Variants in CSK observed in about 807,000 individuals in gnomAD.
CSK encodes C-terminal Src kinase.
In CSK, 7 loss-of-function variants were observed where a neutral mutation model predicts 62.3. The ratio of observed to expected loss-of-function variants is 0.11; its 90% CI spans 0.06 to 0.21. The LOEUF (loss-of-function observed/expected upper bound fraction) is 0.21. CSK is among the 10% of genes least tolerant of loss of function. CSK has a pLI of 1.00. For missense variants in CSK, 294 were observed against 613.5 expected (o/e 0.48, Z 5.50); for synonymous variants, 237 against 246.0 (o/e 0.96, Z 0.34).
At chr15:74,790,487 C>T (rs1409927866) in intron 1 of CSK, among the ~76,000 whole-genome samples, 1 of 152,220 alleles carries the variant, frequency 6.6e-6, no homozygotes, top group African/African-American at 2.4e-5. Context: ...CTGACCTCAG[C>T]GCTTGGGCAC....
Position 74,798,460 on chromosome 15 carries a change from G to A in CSK, c.15+148G>A. On this transcript the variant is annotated intron_variant, in intron 2 of 12. Transcript: ENST00000220003. This position sits in a 1 kb window ranked among gnomAD's most constrained non-coding sequence, Gnocchi z 6.6. ...GGTACAGGCCTGGGGAAGTGGGGGA[G>A]TCTCAACAGGAAGGGACCCAGGGCT... The A allele has an allele frequency of 7.9e-7, 1 of 1,259,714 alleles. No individual in the cohort carries two copies. Among genetic ancestry groups the A allele is most frequent in the Non-Finnish European group, 1.1e-6 (1 of 882,434 alleles). The allele number at this position is 1,259,714 out of a possible 1,614,324, so 78.0% of individuals were successfully genotyped here.
rs1297389439 is a variant in CSK at position 74,799,584 on chromosome 15, C to T, written c.462+93C>T. 4.6e-6 allele frequency: 6 copies of T among 1,315,386 alleles called. No individual in the cohort carries two copies. In the Admixed American group the frequency reaches 8.6e-5, roughly 19 times the overall value. 81.5% of individuals were successfully genotyped at this position (1,315,386 alleles called of 1,614,324 possible). On this transcript the variant is annotated intron_variant, in intron 5 of 12. Transcript: ENST00000220003. Reference sequence around the variant, plus strand: ...TCTAGCTCCAGCCCCACTGCTTCTGCGTGGTGACCAGCCATGTGGGGCAAC... The same window carrying T: ...TCTAGCTCCAGCCCCACTGCTTCTGTGTGGTGACCAGCCATGTGGGGCAAC...
chr15:74,787,354 G>T lies in CSK; in HGVS notation c.-66+4634G>T, dbSNP rs1596367253. 3.3e-5 allele frequency among the ~76,000 whole-genome samples: 5 copies of T among 152,216 alleles called. No homozygotes were observed. The South Asian group carries it at 8.3e-4, about 25-fold the overall frequency. ...GGGATCAGAAGTACTCCACCAGTTG[G>T]GGGGGTGCTCTTTTATCTGCCATGA... On this transcript the variant is annotated intron_variant, in intron 1 of 12. Coordinates refer to ENST00000220003, the MANE Select transcript of CSK (RefSeq NM_004383.3).
In CSK at chr15:74,798,861, C is replaced by T; in HGVS notation, c.165C>T (p.Gly55=). 4 of 1,575,542 alleles carry T rather than the reference C, an allele frequency of 2.5e-6. No individual in the cohort carries two copies. The South Asian group carries it at 3.5e-5, about 14-fold the overall frequency. Reference sequence around the variant, plus strand: ...GGTACAAAGCCAAAAACAAGGTGGGCCGTGAGGGCATCATCCCAGCCAACT... The same window carrying T: ...GGTACAAAGCCAAAAACAAGGTGGGTCGTGAGGGCATCATCCCAGCCAACT... ...PNWYKAKNKV[G]REGIIPANYV... is the part of the protein sequence containing the mutation. Residue 55 remains glycine, a synonymous_variant, in exon 4 of 13, where the codon GGC becomes GGT. Coordinates refer to ENST00000220003, the MANE Select transcript of CSK (RefSeq NM_004383.3). The surrounding 1 kb of genome is among the most constrained non-coding windows in gnomAD (Gnocchi z 6.6).
chr15:74,787,813 G>C lies in CSK; in HGVS notation c.-66+5093G>C, dbSNP rs575056989. Among the ~76,000 whole-genome samples, 3 of 152,268 alleles carry C rather than the reference G, an allele frequency of 2.0e-5. No homozygotes were observed. In the South Asian group the frequency reaches 6.2e-4, roughly 32 times the overall value. ...AACCTGGGCATCATCTGCCCCCCTT[G>C]GACCCTGGCTGCTGCTTCTCAGCCC... On this transcript the variant is annotated intron_variant, in intron 1 of 12. Coordinates refer to ENST00000220003, the MANE Select transcript of CSK (RefSeq NM_004383.3).
In CSK at chr15:74,798,355, C is replaced by T. The variant is rs920734793; in HGVS notation, c.15+43C>T. The T allele has an allele frequency of 3.1e-6, 5 of 1,591,988 alleles. No individual in the cohort carries two copies. In the African/African-American group the frequency reaches 6.7e-5, roughly 21 times the overall value. On this transcript the variant is annotated intron_variant, in intron 2 of 12. Transcript: ENST00000220003. The surrounding 1 kb of genome is among the most constrained non-coding windows in gnomAD (Gnocchi z 6.6). ...GTCTGGGACATGCAAGCATTCCCAC[C>T]AGCCCCAGCGGGGTGCTTAGCAGAG...
intron 4 of CSK, 121 bp downstream of exon 4, chr15:74,799,059 G>C (rs549022593): frequency 1.0e-4 from 111 of 1,058,728 alleles, no homozygotes; most frequent in Non-Finnish European, 1.4e-4. Flanking sequence ...TCAGGAGGAG[G>C]TGCAGGGTGC....
At position 74,797,223 on chromosome 15, in the gene CSK, G is replaced by A. The variant is rs544463781; in HGVS notation, c.-65-1010G>A. 1.1e-3 allele frequency among the ~76,000 whole-genome samples: 168 copies of A among 152,318 alleles called. 1 individual carries two copies. Among genetic ancestry groups the A allele is most frequent in the Non-Finnish European group, 1.7e-3 (116 of 68,024 alleles). On this transcript the variant is annotated intron_variant, in intron 1 of 12. Transcript: ENST00000220003. Reference sequence around the variant, plus strand: ...GCTTCCCAAAGTGCTGAGATTACAGGTGTGAGCCACTGTGCCTAGCCATCA... The same window carrying A: ...GCTTCCCAAAGTGCTGAGATTACAGATGTGAGCCACTGTGCCTAGCCATCA...
chr15:74,785,722 G>A (rs1480997009), intron 1 of CSK, among the ~76,000 whole-genome samples: 1 of 152,138 alleles, frequency 6.6e-6, no homozygotes, highest in African/African-American at 2.4e-5. Context: ...CCTGAGCCAC[G>A]GGCCAATGTT....
intron 1 of CSK, among the ~76,000 whole-genome samples, chr15:74,783,286 GC>G (rs1326475999): frequency 6.6e-6 from 1 of 152,236 alleles, no homozygotes; most frequent in Admixed American, 6.5e-5. Context: ...GGGAAACTGG[GC>G]AGGCCTTCTG....
intron 1 of CSK, among the ~76,000 whole-genome samples, chr15:74,787,880 A>G (rs1024953173): frequency 3.3e-5 from 5 of 152,180 alleles, no homozygotes; most frequent in African/African-American, 9.7e-5. Flanking sequence ...GCATCTATCT[A>G]TCTGCAGCTT....
rs1186484144 is a variant in CSK at position 74,787,804 on chromosome 15, G to GC, written c.-66+5090dup. On this transcript the variant is annotated intron_variant, in intron 1 of 12. Transcript: ENST00000220003. ...GCAGGCGAAAACCTGGGCATCATCTGCCCCCCTTGGACCCTGGCTGCTGCT... is the reference window on the plus strand; with the variant it reads ...GCAGGCGAAAACCTGGGCATCATCTGCCCCCCCTTGGACCCTGGCTGCTGCT... Among the ~76,000 whole-genome samples the GC allele has an allele frequency of 2.0e-5, 3 of 152,266 alleles. No homozygotes were observed. In the East Asian group the frequency reaches 5.8e-4, roughly 30 times the overall value.
intron 1 of CSK, among the ~76,000 whole-genome samples, chr15:74,793,797 A>G (rs767218950): frequency 2.3e-4 from 35 of 152,182 alleles, no homozygotes; most frequent in Admixed American, 1.0e-3. Flanking sequence ...AGTGTTTGCA[A>G]ACTGACAGCT....
At chr15:74,783,956 T>TG (rs993205440) in intron 1 of CSK, among the ~76,000 whole-genome samples, 4 of 152,184 alleles carry the variant, frequency 2.6e-5, no homozygotes, top group African/African-American at 4.8e-5. Context: ...ACTGGGGACA[T>TG]GGGAGCATTG....
rs1443188273 is a variant in CSK, at chr15:74,801,094, A to T, written c.805A>T (p.Met269Leu). 6.2e-7 allele frequency: 1 copy of T among 1,613,092 alleles called. No homozygotes were observed. The change falls in exon 9 of 13, where the codon ATG becomes TTG. Residue 269 changes from methionine (M) to leucine (L), a missense_variant. Met to Leu is a conservative substitution (Grantham distance 15, BLOSUM62 2). Coordinates refer to ENST00000220003, the MANE Select transcript of CSK (RefSeq NM_004383.3). ...CGGGCTCTACATCGTCACTGAGTAC[A>T]TGGCCAAGGTGGGCACCTGCCGAGA... ...KGGLYIVTEYMAKGSLVDYLR... is the reference protein window; with the variant it reads ...KGGLYIVTEYLAKGSLVDYLR...
intron 1 of CSK, chr15:74,793,330 C>G (rs1399231678): frequency 1.3e-5 from 2 of 152,736 alleles, no homozygotes; most frequent in South Asian, 2.1e-4. Context: ...CCACCCCGAC[C>G]GCTCCTAGGC....
rs777343326 is a variant in CSK, at chr15:74,800,810, T to C, written c.623-13T>C. The C allele has an allele frequency of 8.1e-6, 13 of 1,608,082 alleles. No individual in the cohort carries two copies. The highest frequency in any genetic ancestry group is 1.1e-5 in the Non-Finnish European group (13 of 1,177,352). On this transcript the variant is annotated splice_polypyrimidine_tract_variant and intron_variant, in intron 7 of 12. Coordinates refer to ENST00000220003, the MANE Select transcript of CSK (RefSeq NM_004383.3). ...CTCCGAACTTGGGAACAAGACCACCTCTCTGCCCCCAGACGTGATGCTGGG... is the reference window on the plus strand; with the variant it reads ...CTCCGAACTTGGGAACAAGACCACCCCTCTGCCCCCAGACGTGATGCTGGG...
At position 74,802,544 on chromosome 15, in the gene CSK, TG is replaced by T. The variant is rs1426593983; in HGVS notation, c.*35del. The T allele has an allele frequency of 6.2e-7, 1 of 1,605,608 alleles. No homozygotes were observed. Among genetic ancestry groups the T allele is most frequent in the South Asian group, 1.1e-5 (1 of 90,272 alleles). On this transcript the variant is annotated 3_prime_UTR_variant, in exon 13 of 13. Coordinates refer to ENST00000220003, the MANE Select transcript of CSK (RefSeq NM_004383.3). ...GGCCTCCGCCTGGGTCATGGGCCTGTGGGGACTGAACCTGGAAGATCATGGA... is the reference window on the plus strand; with the variant it reads ...GGCCTCCGCCTGGGTCATGGGCCTGTGGGACTGAACCTGGAAGATCATGGA...
rs536939856 is a variant in CSK at position 74,786,002 on chromosome 15, C to CTTTTTT, written c.-66+3289_-66+3294dup. On this transcript the variant is annotated intron_variant, in intron 1 of 12. Coordinates refer to ENST00000220003, the MANE Select transcript of CSK (RefSeq NM_004383.3). ...AGGCCTCTTCTCTCTCTCTCTCTCTCTTTTTTTTTTTTGTGTGTGTGTGTG... is the reference window on the plus strand; with the variant it reads ...AGGCCTCTTCTCTCTCTCTCTCTCTCTTTTTTTTTTTTTTTTTTGTGTGTGTGTGTG... 4.3e-4 allele frequency among the ~76,000 whole-genome samples: 32 copies of CTTTTTT among 73,624 alleles called. 1 individual carries two copies. Among genetic ancestry groups the CTTTTTT allele is most frequent in the East Asian group, 1.3e-3 (3 of 2,336 alleles). The allele number at this position is 73,624 out of a possible 152,430, so 48.3% of individuals were successfully genotyped here. A position where few individuals can be genotyped will look rare whatever the true frequency, so the allele number is the denominator to read the frequency against.
Sources: gnomAD v4.1 joint callset for allele counts (sites outside exome capture counted in the v4.1 genomes callset) on GRCh38, gnomAD v4.1.1 for gene constraint, Gnocchi (gnomAD v3.1) non-coding constraint, MANE v1.5 for transcripts, NCBI Gene and HGNC (gene_info 2026-07-23, HGNC 2026-07-21) for gene names.